EQTN: variants seen among roughly 807,000 people sequenced by gnomAD.
EQTN encodes Acrosome formation associated factor.
EQTN carries 29 observed loss-of-function variants against 26.9 expected under a neutral mutation model. The observed-to-expected ratio is 1.08, with a 90% CI of 0.80 to 1.47. The LOEUF (loss-of-function observed/expected upper bound fraction) is 1.47. Ranked by LOEUF, EQTN falls within the 40% of genes most tolerant of loss-of-function variation. EQTN has a pLI of 0.00. For missense variants in EQTN, 391 were observed against 346.1 expected, an observed-to-expected ratio of 1.13 and a Z score of -1.03; for synonymous variants, 129 against 120.0, an observed-to-expected ratio of 1.07 and a Z score of -0.49.
rs570756550 is a variant in EQTN, at chr9:27,285,381, A to T, written c.636-409T>A. On this transcript the variant is annotated intron_variant, in intron 7 of 7. Coordinates refer to ENST00000380032, the MANE Select transcript of EQTN (RefSeq NM_020641.3). ...ATGGTCTTGATTTCTTGACCTCGTG[A>T]TCCACCTGCCTTGGCCTCCCAAAGT... Among the ~76,000 whole-genome samples the T allele has an allele frequency of 1.2e-4, 19 of 152,108 alleles. 1 individual carries two copies. The South Asian group carries it at 2.7e-3, about 22-fold the overall frequency.
intron 2 of EQTN, among the ~76,000 whole-genome samples, chr9:27,295,592 G>A (rs1429645857): frequency 6.6e-6 from 1 of 152,136 alleles, no homozygotes; most frequent in Non-Finnish European, 1.5e-5. Context: ...CCAGCACTTT[G>A]GGAGGCCGAG....
intron 6 of EQTN, among the ~76,000 whole-genome samples, chr9:27,287,147 C>A (rs1820140514): frequency 6.6e-6 from 1 of 152,054 alleles, no homozygotes; most frequent in South Asian, 2.1e-4. Flanking sequence ...CCCAGCCAAC[C>A]CCCAGCATCT....
At chr9:27,292,674 T>C (rs936036809) in intron 3 of EQTN, among the ~76,000 whole-genome samples, 187 bp from the exon 4 acceptor site, 2 of 152,060 alleles carry the variant, frequency 1.3e-5, no homozygotes, top group South Asian at 2.1e-4. Flanking sequence ...AAGAATAAAG[T>C]TTTTGTGATC....
intron 2 of EQTN, among the ~76,000 whole-genome samples, chr9:27,295,775 C>G (rs7867408): frequency 6.8e-6 from 1 of 148,084 alleles, no homozygotes; most frequent in African/African-American, 2.5e-5. Context: ...GAACTTGGAG[C>G]GAGCAGAGAT....
chr9:27,296,691 C>A lies in EQTN; in HGVS notation c.124G>T (p.Glu42Ter). The A allele has an allele frequency of 6.2e-7, 1 of 1,607,990 alleles. No homozygotes were observed. Among genetic ancestry groups the A allele is most frequent in the South Asian group, 1.1e-5 (1 of 89,992 alleles). Reference protein sequence around the residue: ...PLNEDVNKQEEKNEDHTPNYA... With the variant: ...PLNEDVNKQE ...TTGGGAGTATGATCTTCATTCTTTTCTTCCTGCTTATTAACATCTTCATTT... is the reference window on the plus strand; with the variant it reads ...TTGGGAGTATGATCTTCATTCTTTTATTCCTGCTTATTAACATCTTCATTT... Residue 42 changes from glutamate to a stop codon, truncating the protein, a stop_gained, in exon 2 of 8, where the codon GAA (glutamate) becomes TAA (stop). Transcript: ENST00000380032. LOFTEE classifies it high-confidence loss of function.
chr9:27,293,429 C>G (rs1340956751), intron 3 of EQTN, among the ~76,000 whole-genome samples: 1 of 152,186 alleles, frequency 6.6e-6, no homozygotes, highest in East Asian at 1.9e-4. Flanking sequence ...CCGCAGATCT[C>G]CATCTTCCTG....
chr9:27,285,395 G>A (rs1057059675), intron 7 of EQTN, among the ~76,000 whole-genome samples: 1 of 151,982 alleles, frequency 6.6e-6, no homozygotes, highest in Non-Finnish European at 1.5e-5. Context: ...ACCTGCCTTG[G>A]CCTCCCAAAG....
chr9:27,295,852 A>AC lies in EQTN; in HGVS notation c.202+760_202+761insG, dbSNP rs1175538197. ...GTCTCAAAAAAAAAAAAAAAAAAAA[A>AC]AACAACGATAAAATTACTTTTAAAA... On this transcript the variant is annotated intron_variant, in intron 2 of 7. Coordinates refer to ENST00000380032, the MANE Select transcript of EQTN (RefSeq NM_020641.3). Among the ~76,000 whole-genome samples, 8 of 151,130 alleles carry AC rather than the reference A, an allele frequency of 5.3e-5. 1 individual carries two copies. The South Asian group carries it at 1.0e-3, about 20-fold the overall frequency.
chr9:27,296,860 C>T, intron 1 of EQTN, 120 bp downstream of exon 1: 1 of 1,555,974 alleles, frequency 6.4e-7, no homozygotes, highest in Non-Finnish European at 8.6e-7. Flanking sequence ...TAAAACATAC[C>T]ATAGCTCCAA....
intron 3 of EQTN, 137 bp downstream of exon 3, chr9:27,294,179 C>A: frequency 1.9e-6 from 1 of 524,738 alleles, no homozygotes; most frequent in Non-Finnish European, 3.3e-6. Flanking sequence ...ATCCCAGTCA[C>A]AGAATCTACT....
chr9:27,296,564 A>G lies in EQTN; in HGVS notation c.202+49T>C, dbSNP rs916518572. The G allele has an allele frequency of 7.8e-6, 10 of 1,283,428 alleles. No individual in the cohort carries two copies. In the African/African-American group the frequency reaches 8.9e-5, roughly 11 times the overall value. 79.5% of individuals were successfully genotyped at this position (1,283,428 alleles called of 1,614,324 possible). A position where few individuals can be genotyped will look rare whatever the true frequency, so the allele number is the denominator to read the frequency against. On this transcript the variant is annotated intron_variant, in intron 2 of 7. Transcript: ENST00000380032. Reference sequence around the variant, plus strand: ...TTAAAAAGGACACTTAAGTGAAACCAGGATAATCAACTTTTGCATATACAT... The same window carrying G: ...TTAAAAAGGACACTTAAGTGAAACCGGGATAATCAACTTTTGCATATACAT...
At chr9:27,294,502 A>T (rs1356130366) in intron 2 of EQTN, 100 bp from the exon 3 acceptor site, 1 of 504,874 alleles carries the variant, frequency 2.0e-6, no homozygotes, top group Non-Finnish European at 3.3e-6. Context: ...TGCACTAATT[A>T]AAAAAAAATT....
chr9:27,296,858 A>G, intron 1 of EQTN, 120 bp from the exon 2 acceptor site: 1 of 1,554,960 alleles, frequency 6.4e-7, no homozygotes, highest in Non-Finnish European at 8.6e-7. Context: ...TCTAAAACAT[A>G]CCATAGCTCC....
intron 7 of EQTN, 88 bp from the exon 8 acceptor site, chr9:27,285,060 A>T: frequency 2.4e-6 from 3 of 1,250,014 alleles, no homozygotes; most frequent in Non-Finnish European, 2.2e-6. Flanking sequence ...AAATTAAAAT[A>T]TACGAATTTT....
chr9:27,288,289 A>C (rs1820161023), intron 6 of EQTN, among the ~76,000 whole-genome samples: 1 of 152,124 alleles, frequency 6.6e-6, no homozygotes, highest in Non-Finnish European at 1.5e-5. Flanking sequence ...TTTTACCTCT[A>C]TTAGTATAAT....
intron 2 of EQTN, among the ~76,000 whole-genome samples, chr9:27,295,762 G>A (rs1244735517): frequency 6.7e-6 from 1 of 149,354 alleles, no homozygotes; most frequent in Non-Finnish European, 1.5e-5. Context: ...AACCCGGGAG[G>A]CGGAACTTGG....
At position 27,297,046 on chromosome 9, in the gene EQTN, T is replaced by A. The variant is rs765251990; in HGVS notation, c.10A>T (p.Ile4Leu). ...ACTCCAGGTATAAAAATAAACAATATAAAATTCATTGGGAAATTGAAGTGA... is the reference window on the plus strand; with the variant it reads ...ACTCCAGGTATAAAAATAAACAATAAAAAATTCATTGGGAAATTGAAGTGA... MNFILFIFIPGVFS... is the reference protein window; with the variant it reads MNFLLFIFIPGVFS... The change falls in exon 1 of 8, where the codon ATA becomes TTA. Residue 4 changes from isoleucine to leucine, a missense_variant. By Grantham distance (5) the Ile-to-Leu change is conservative. Transcript: ENST00000380032. The A allele has an allele frequency of 4.4e-6, 7 of 1,604,556 alleles. No homozygotes were observed. The highest frequency in any genetic ancestry group is 1.3e-5 in the African/African-American group (1 of 74,622).
chr9:27,286,901 T>C (rs1304894336), intron 6 of EQTN, among the ~76,000 whole-genome samples: 1 of 152,176 alleles, frequency 6.6e-6, no homozygotes, highest in East Asian at 1.9e-4. Context: ...ATTTTATTAC[T>C]GAAAAGACTA....
rs1376343474 is a variant in EQTN at position 27,292,504 on chromosome 9, A to G, written c.290-17T>C. The G allele has an allele frequency of 6.7e-7, 1 of 1,486,210 alleles. No homozygotes were observed. Among genetic ancestry groups the G allele is most frequent in the Admixed American group, 1.8e-5 (1 of 56,648 alleles). The allele number at this position is 1,486,210 out of a possible 1,614,324, so 92.1% of individuals were successfully genotyped here. On this transcript the variant is annotated splice_polypyrimidine_tract_variant and intron_variant, in intron 3 of 7. Coordinates refer to ENST00000380032, the MANE Select transcript of EQTN (RefSeq NM_020641.3). ...CAGTTTTATCTAGGAAAAGGGAAAA[A>G]GAATTATCAGCATGTAAAAATACTG...
Sources: gnomAD v4.1 joint callset for allele counts (sites outside exome capture counted in the v4.1 genomes callset) on GRCh38, gnomAD v4.1.1 for gene constraint, MANE v1.5 for transcripts, NCBI Gene and HGNC (gene_info 2026-07-23, HGNC 2026-07-21) for gene names.